Variants in HDAC9 observed in about 807,000 individuals in gnomAD.
The protein encoded by HDAC9 is MEF-2 interacting transcription repressor (MITR) protein.
HDAC9 carries 41 observed loss-of-function variants against 139.4 expected under a neutral mutation model. That is an observed-to-expected ratio of 0.29 (90% CI 0.23 to 0.38). The LOEUF is 0.38. Among genes scored for constraint, HDAC9 ranks in the 10% least tolerant of loss-of-function variants. HDAC9 has a pLI of 1.00. For synonymous variants in HDAC9, 517 were observed against 476.2 expected, an observed-to-expected ratio of 1.09 and a Z score of -1.12; for missense variants, 1,147 against 1,297.0, an observed-to-expected ratio of 0.88 and a Z score of 1.78.
At chr7:18,453,887 A>T (rs577137208) in intron 1 of HDAC9, among the ~76,000 whole-genome samples, 1 of 152,260 alleles carries the variant, frequency 6.6e-6, no homozygotes, top group South Asian at 2.1e-4. Flanking sequence ...TTGCCCAAAG[A>T]CAAAAGGGAA....
chr7:18,649,502 C>G, intron 11 of HDAC9, among the ~76,000 whole-genome samples: 1 of 152,072 alleles, frequency 6.6e-6, no homozygotes, highest in East Asian at 1.9e-4. Context: ...GCTGTATCAT[C>G]TACAAGTTAT....
intron 12 of HDAC9, among the ~76,000 whole-genome samples, chr7:18,718,174 T>C (rs541553517): frequency 1.5e-3 from 230 of 152,262 alleles, no homozygotes; most frequent in African/African-American, 5.3e-3. Context: ...TTTGCCTCCA[T>C]AAATTTGTGT....
At chr7:18,818,324 A>G (rs1482547864) in intron 17 of HDAC9, among the ~76,000 whole-genome samples, 2 of 152,220 alleles carry the variant, frequency 1.3e-5, no homozygotes, top group East Asian at 3.8e-4. Flanking sequence ...TGATATGCTC[A>G]ATTAGTTTTT....
At chr7:18,764,491 G>C (rs1165670295) in intron 15 of HDAC9, among the ~76,000 whole-genome samples, 1 of 152,102 alleles carries the variant, frequency 6.6e-6, no homozygotes, top group Non-Finnish European at 1.5e-5. Flanking sequence ...TCTTTCCCTA[G>C]TGTATCCAAA....
intron 21 of HDAC9, among the ~76,000 whole-genome samples, chr7:18,837,093 A>G (rs1305288044): frequency 1.3e-5 from 2 of 151,982 alleles, no homozygotes; most frequent in Admixed American, 6.6e-5. Context: ...AAGCAGGTCC[A>G]GGAAAAATGA....
intron 12 of HDAC9, among the ~76,000 whole-genome samples, chr7:18,697,271 G>A (rs764386562): frequency 3.9e-5 from 6 of 152,044 alleles, no homozygotes; most frequent in Non-Finnish European, 7.4e-5. Context: ...TCATTAGCCT[G>A]TTTTTACATT....
intron 2 of HDAC9, among the ~76,000 whole-genome samples, chr7:18,584,104 T>A (rs1208220100): frequency 2.0e-5 from 3 of 151,776 alleles, no homozygotes; most frequent in Non-Finnish European, 4.4e-5. Flanking sequence ...GTCTGTGAGT[T>A]TTCCTGCTTA....
intron 2 of HDAC9, among the ~76,000 whole-genome samples, chr7:18,560,027 GAA>G (rs1463216856): frequency 6.6e-6 from 1 of 152,120 alleles, no homozygotes; most frequent in African/African-American, 2.4e-5. Context: ...ACTATATAAT[GAA>G]AAGTCTTTTC....
At chr7:18,360,217 A>C (rs573351698) in intron 1 of HDAC9, among the ~76,000 whole-genome samples, 1 of 152,200 alleles carries the variant, frequency 6.6e-6, no homozygotes, top group Non-Finnish European at 1.5e-5. Flanking sequence ...AATTACTTTT[A>C]AACATTTATG....
At chr7:18,528,593 T>C (rs543880262) in intron 2 of HDAC9, among the ~76,000 whole-genome samples, 5 of 152,152 alleles carry the variant, frequency 3.3e-5, no homozygotes, top group Admixed American at 6.5e-5. Flanking sequence ...CTCATAATTA[T>C]GTACCAGAAT....
chr7:18,511,509 A>G (rs1024689482), intron 2 of HDAC9, among the ~76,000 whole-genome samples: 8 of 152,022 alleles, frequency 5.3e-5, no homozygotes, highest in Non-Finnish European at 8.8e-5. Context: ...CGGTGGGAGG[A>G]TTGCTTGAGC....
At chr7:18,982,233 A>G (rs1452216973) in intron 25 of HDAC9, among the ~76,000 whole-genome samples, 1 of 152,182 alleles carries the variant, frequency 6.6e-6, no homozygotes, top group Non-Finnish European at 1.5e-5. Context: ...ACTGGTTTTC[A>G]TATCCAGTTT....
chr7:18,732,475 T>TATAC (rs1450716722), intron 13 of HDAC9, among the ~76,000 whole-genome samples: 3 of 148,186 alleles, frequency 2.0e-5, no homozygotes, highest in Non-Finnish European at 4.4e-5. Flanking sequence ...TGTGTGTATA[T>TATAC]ACAGTGTATA....
intron 13 of HDAC9, among the ~76,000 whole-genome samples, chr7:18,738,226 G>A (rs1306446673): frequency 6.6e-6 from 1 of 152,178 alleles, no homozygotes; most frequent in Non-Finnish European, 1.5e-5. Context: ...TTGCCAGTCT[G>A]TGTCTTTTAA....
chr7:18,525,511 A>G (rs932439248), intron 2 of HDAC9, among the ~76,000 whole-genome samples: 10 of 152,150 alleles, frequency 6.6e-5, no homozygotes, highest in Non-Finnish European at 1.2e-4. Context: ...TCTTAATAAA[A>G]TAATTCCTAT....
intron 1 of HDAC9, among the ~76,000 whole-genome samples, chr7:18,143,435 T>G (rs1179721793): frequency 1.3e-5 from 2 of 152,170 alleles, no homozygotes; most frequent in Non-Finnish European, 2.9e-5. Context: ...GCAGAAGCTG[T>G]TTTTATATTA....
At chr7:18,530,981 T>A (rs1808736515) in intron 2 of HDAC9, among the ~76,000 whole-genome samples, 1 of 151,900 alleles carries the variant, frequency 6.6e-6, no homozygotes, top group Non-Finnish European at 1.5e-5. Flanking sequence ...CTGCCTCCCA[T>A]ATTAGCCATT....
At chr7:18,155,973 C>T (rs1787168629) in intron 1 of HDAC9, among the ~76,000 whole-genome samples, 3 of 152,148 alleles carry the variant, frequency 2.0e-5, no homozygotes, top group African/African-American at 7.2e-5. Context: ...TCCCAGTCCC[C>T]AGAACCCCCA....
chr7:18,235,301 T>C (rs957239780), intron 2 of HDAC9, among the ~76,000 whole-genome samples: 1 of 152,202 alleles, frequency 6.6e-6, no homozygotes, highest in Non-Finnish European at 1.5e-5. Context: ...ATTGGAAATA[T>C]ACCTCCGAGA....
Sources: gnomAD v4.1 joint callset for allele counts (sites outside exome capture counted in the v4.1 genomes callset) on GRCh38, gnomAD v4.1.1 for gene constraint, MANE v1.5 for transcripts, NCBI Gene and HGNC (gene_info 2026-07-23, HGNC 2026-07-21) for gene names.